Variants in FOXK2 observed in about 807,000 individuals in gnomAD.
FOXK2 encodes the protein forkhead box K2.
In FOXK2, 24 loss-of-function variants were observed where a neutral mutation model predicts 53.3. The observed-to-expected ratio is 0.45, with a 90% CI of 0.33 to 0.63. The LOEUF (loss-of-function observed/expected upper bound fraction) is 0.63, where lower values mean the gene tolerates loss of function less well. FOXK2 is among the 30% of genes least tolerant of loss of function. The pLI, the probability that FOXK2 is intolerant of heterozygous loss-of-function variation, is 0.03. For synonymous variants in FOXK2, 505 were observed against 407.1 expected (o/e 1.24, Z -2.89); for missense variants, 952 against 910.5 (o/e 1.05, Z -0.59).
intron 1 of FOXK2, among the ~76,000 whole-genome samples, chr17:82,544,758 C>T (rs1182966347): frequency 2.0e-5 from 3 of 152,072 alleles, no homozygotes; most frequent in Non-Finnish European, 4.4e-5. Flanking sequence ...CCAGGCAAGT[C>T]GCTGTGGGAG....
intron 1 of FOXK2, among the ~76,000 whole-genome samples, chr17:82,543,656 G>T (rs2044594584): frequency 6.6e-6 from 1 of 151,420 alleles, no homozygotes; most frequent in African/African-American, 2.4e-5. Flanking sequence ...AGTGAGACAG[G>T]GTCTTGCTAG....
At chr17:82,579,174 C>T (rs1004869382) in intron 4 of FOXK2, among the ~76,000 whole-genome samples, 2 of 152,302 alleles carry the variant, frequency 1.3e-5, no homozygotes, top group East Asian at 3.9e-4. Context: ...ATATTACCAT[C>T]GTGTGGGTTT....
At chr17:82,551,173 C>T (rs1422867080) in intron 1 of FOXK2, among the ~76,000 whole-genome samples, 6 of 151,658 alleles carry the variant, frequency 4.0e-5, no homozygotes, top group Admixed American at 1.3e-4. Flanking sequence ...AAAAATTAGC[C>T]GGGCGTGGTG....
rs776830101 is a variant in FOXK2, at chr17:82,601,377, G to C, written c.1861G>C (p.Gly621Arg). 6.2e-7 allele frequency: 1 copy of C among 1,613,394 alleles called. No homozygotes were observed. The highest frequency in any genetic ancestry group is 1.7e-5 in the Admixed American group (1 of 60,034). Residue 621 changes from glycine to arginine, a missense_variant, in exon 9 of 9, where the codon GGT (glycine) becomes CGT (arginine). Coordinates refer to ENST00000335255, the MANE Select transcript of FOXK2 (RefSeq NM_004514.4). The stretch of plus-strand genomic sequence containing the variant: ...CTCCCTGCCCACAAAGCGCCACAAC[G>C]GTGACCAGCCGGAGCAGCCGGAGCT... ...SASLPTKRHN[G>R]DQPEQPELKR...
At chr17:82,523,736 C>T (rs749031538) in intron 1 of FOXK2, among the ~76,000 whole-genome samples, 1 of 151,996 alleles carries the variant, frequency 6.6e-6, no homozygotes, top group Non-Finnish European at 1.5e-5. Flanking sequence ...CTCCGCCTCC[C>T]AAAGTGCTGG....
At chr17:82,588,402 A>G in intron 8 of FOXK2, 1 of 161,924 alleles carries the variant, frequency 6.2e-6, no homozygotes. Context: ...TGGCGATTGG[A>G]GGGCAGGCGG....
In FOXK2 at chr17:82,582,809, A is replaced by G; in HGVS notation, c.978A>G (p.Pro326=). Residue 326 remains proline, a synonymous_variant, in exon 5 of 9, where the codon CCA becomes CCG. Coordinates refer to ENST00000335255, the MANE Select transcript of FOXK2 (RefSeq NM_004514.4). ...AAGTGCCGCGTTCCCAGGAAGAACC[A>G]GGCAAAGGCTCGTTCTGGAGGATAG... The part of the protein sequence containing the change: ...FIKVPRSQEE[P]GKGSFWRIDP... The G allele has an allele frequency of 6.2e-7, 1 of 1,611,566 alleles. No individual in the cohort carries two copies. Among genetic ancestry groups the G allele is most frequent in the Non-Finnish European group, 8.5e-7 (1 of 1,179,378 alleles).
chr17:82,543,933 C>T (rs973915521), intron 1 of FOXK2, among the ~76,000 whole-genome samples: 1 of 152,044 alleles, frequency 6.6e-6, no homozygotes, highest in Non-Finnish European at 1.5e-5. Flanking sequence ...CCCGCCACCA[C>T]GCCTGGCTAA....
rs1263251796 is a variant in FOXK2, at chr17:82,520,196, C to A, written c.308C>A (p.Pro103His). ...GCTCCGGAGCTGCCGCCCGCGCAGC[C>A]CAGGCCCGACGCCGGCGGCGACTTC... ...GAAPELPPAQPRPDAGGDFYL... is the reference protein window; with the variant it reads ...GAAPELPPAQHRPDAGGDFYL... The change falls in exon 1 of 9, where the codon CCC (proline) becomes CAC (histidine). Residue 103 changes from proline (P) to histidine (H), a missense_variant. Coordinates refer to ENST00000335255, the MANE Select transcript of FOXK2 (RefSeq NM_004514.4). 7.4e-7 allele frequency: 1 copy of A among 1,345,980 alleles called. No homozygotes were observed. The highest frequency in any genetic ancestry group is 2.1e-5 in the South Asian group (1 of 48,062). The allele number at this position is 1,345,980 out of a possible 1,614,324, so 83.4% of individuals were successfully genotyped here. A position where few individuals can be genotyped will look rare whatever the true frequency, so the allele number is the denominator to read the frequency against.
At chr17:82,520,830 C>G (rs375287902) in intron 1 of FOXK2, among the ~76,000 whole-genome samples, 2 of 152,128 alleles carry the variant, frequency 1.3e-5, no homozygotes, top group East Asian at 3.8e-4. Context: ...TTTTCCCTGC[C>G]GTGTTTTCAG....
intron 1 of FOXK2, among the ~76,000 whole-genome samples, chr17:82,532,151 T>A (rs1003558500): frequency 3.5e-5 from 5 of 142,310 alleles, no homozygotes; most frequent in Non-Finnish European, 6.1e-5. Context: ...GCCCATCTTA[T>A]TTATTTTTTT....
chr17:82,529,980 T>C (rs1384553076), intron 1 of FOXK2, among the ~76,000 whole-genome samples: 1 of 152,206 alleles, frequency 6.6e-6, no homozygotes, highest in East Asian at 1.9e-4. Context: ...CGTTTATCTT[T>C]AGTGGGAAAA....
chr17:82,587,054 T>A lies in FOXK2; in HGVS notation c.1577-9T>A, dbSNP rs9914529. 5.0e-6 allele frequency: 8 copies of A among 1,611,420 alleles called. No individual in the cohort carries two copies. The highest frequency in any genetic ancestry group is 4.0e-5 in the African/African-American group (3 of 74,912). Reference sequence around the variant, plus strand: ...AATATTAATGTCGTTTCTTTTCCTTTAATTTCAGTGAAAGTAGAGCCTATT... The same window carrying A: ...AATATTAATGTCGTTTCTTTTCCTTAAATTTCAGTGAAAGTAGAGCCTATT... On this transcript the variant is annotated splice_polypyrimidine_tract_variant and intron_variant, in intron 7 of 8. Coordinates refer to ENST00000335255, the MANE Select transcript of FOXK2 (RefSeq NM_004514.4).
chr17:82,591,262 G>C (rs1361678908), intron 8 of FOXK2, among the ~76,000 whole-genome samples: 8 of 152,110 alleles, frequency 5.3e-5, no homozygotes, highest in Non-Finnish European at 8.8e-5. Context: ...CCTCATTCCT[G>C]CTTCCATAGG....
intron 8 of FOXK2, 170 bp downstream of exon 8, chr17:82,587,442 CG>C (rs1555642837): frequency 3.1e-6 from 2 of 635,062 alleles, no homozygotes; most frequent in Non-Finnish European, 5.6e-6. Flanking sequence ...GTCGTGGAGT[CG>C]GCCGTCATGG....
Position 82,551,513 on chromosome 17 carries a change from T to TA in FOXK2, c.420-11833dup, listed in dbSNP as rs927727142. Among the ~76,000 whole-genome samples the TA allele has an allele frequency of 4.0e-5, 6 of 151,504 alleles. No individual in the cohort carries two copies. In the East Asian group the frequency reaches 7.8e-4, roughly 20 times the overall value. ...CATCATGGTGAAACCCTGTCTGTAC[T>TA]AAAAAAAATTACAAAAAATTAGCCA... On this transcript the variant is annotated intron_variant, in intron 1 of 8. Transcript: ENST00000335255.
At chr17:82,576,958 CG>C (rs1474125625) in intron 4 of FOXK2, 1 of 390,610 alleles carries the variant, frequency 2.6e-6, no homozygotes, top group African/African-American at 2.1e-5. Context: ...TTGGAGGGTT[CG>C]AGACCAGATG....
chr17:82,587,306 G>T, intron 8 of FOXK2, 34 bp downstream of exon 8: 1 of 1,538,996 alleles, frequency 6.5e-7, no homozygotes, highest in Non-Finnish European at 9.0e-7. Flanking sequence ...CCCCGTGGCT[G>T]TGGGTACTGG....
At chr17:82,521,935 C>CA (rs55776373) in intron 1 of FOXK2, among the ~76,000 whole-genome samples, 24,531 of 119,448 alleles carry the variant, frequency 0.21, 2,529 homozygotes, top group East Asian at 0.43. Context: ...GACTCCGCCT[C>CA]AAAAAAAAAA....
Sources: gnomAD v4.1 joint callset for allele counts (sites outside exome capture counted in the v4.1 genomes callset) on GRCh38, gnomAD v4.1.1 for gene constraint, MANE v1.5 for transcripts, NCBI Gene and HGNC (gene_info 2026-07-23, HGNC 2026-07-21) for gene names.